The following PEX11A variants were observed in gnomAD, a reference collection of about 807,000 sequenced individuals.
The protein encoded by PEX11A is peroxisomal membrane protein 11A.
PEX11A carries 13 observed loss-of-function variants against 14.4 expected under a neutral mutation model. The ratio of observed to expected loss-of-function variants is 0.90; its 90% confidence interval spans 0.59 to 1.43. The LOEUF (loss-of-function observed/expected upper bound fraction) is 1.43, where lower values mean the gene tolerates loss of function less well. PEX11A is among the 40% of genes most tolerant of loss of function. The probability of loss-of-function intolerance (pLI) is 0.00; values close to 1 mark genes in which losing one functional copy is unlikely to be tolerated. For missense variants in PEX11A, 290 were observed against 302.8 expected, an observed-to-expected ratio of 0.96 and a Z score of 0.31; for synonymous variants, 101 against 113.0, an observed-to-expected ratio of 0.89 and a Z score of 0.67.
chr15:89,686,489 T>A lies in PEX11A; in HGVS notation c.114A>T (p.Lys38Asn), dbSNP rs994812464. Residue 38 changes from lysine (K) to asparagine (N), a missense_variant, in exon 2 of 3, where the codon AAA (lysine) becomes AAT (asparagine). Coordinates refer to ENST00000300056, the MANE Select transcript of PEX11A (RefSeq NM_003847.3). The part of the protein sequence containing the change: ...LRYLLEPKAG[K>N]EKVVMKLKKL... The stretch of plus-strand genomic sequence containing the variant: ...TCTTGAGCTTCATTACCACCTTCTC[T>A]TTGCCAGCTTTGGGCTCTAACAAAT... 2.5e-6 allele frequency: 4 copies of A among 1,608,440 alleles called. No individual in the cohort carries two copies. Among genetic ancestry groups the A allele is most frequent in the Non-Finnish European group, 3.4e-6 (4 of 1,174,998 alleles).
chr15:89,686,535 T>C lies in PEX11A; in HGVS notation c.68A>G (p.Tyr23Cys). The C allele has an allele frequency of 6.6e-7, 1 of 1,514,386 alleles. No individual in the cohort carries two copies. Among genetic ancestry groups the C allele is most frequent in the Non-Finnish European group, 9.1e-7 (1 of 1,095,568 alleles). 93.8% of individuals were successfully genotyped at this position (1,514,386 alleles called of 1,614,324 possible). ...GRDRLFRATQYTCMLLRYLLE... is the reference protein window; with the variant it reads ...GRDRLFRATQCTCMLLRYLLE... ...CAAATATCTAAGCAACATGCATGTGTACTGAGTGGCTCTGAAATGGAAAAA... is the reference window on the plus strand; with the variant it reads ...CAAATATCTAAGCAACATGCATGTGCACTGAGTGGCTCTGAAATGGAAAAA... The change falls in exon 2 of 3, where the codon TAC becomes TGC. Residue 23 changes from tyrosine (Y) to cysteine (C), a missense_variant. By Grantham distance (194) the Tyr-to-Cys change is radical. Transcript: ENST00000300056.
rs1282406720 is a variant in PEX11A at position 89,690,608 on chromosome 15, T to G, written c.25A>C (p.Asn9His). ...AGTCGGTCCCGGCCCTGGGTCTGGTTGGTGAAGCGGGTGAAGGCGTCCATG... is the reference window on the plus strand; with the variant it reads ...AGTCGGTCCCGGCCCTGGGTCTGGTGGGTGAAGCGGGTGAAGGCGTCCATG... MDAFTRFTNQTQGRDRLFR... is the reference protein window; with the variant it reads MDAFTRFTHQTQGRDRLFR... Residue 9 changes from asparagine (N) to histidine (H), a missense_variant, in exon 1 of 3, where the codon AAC (asparagine) becomes CAC (histidine). Coordinates refer to ENST00000300056, the MANE Select transcript of PEX11A (RefSeq NM_003847.3). 1.3e-6 allele frequency: 2 copies of G among 1,551,382 alleles called. No homozygotes were observed. Among genetic ancestry groups the G allele is most frequent in the Non-Finnish European group, 1.7e-6 (2 of 1,146,896 alleles).
rs1964680888 is a variant in PEX11A, at chr15:89,686,606, A to G, written c.57-60T>C. On this transcript the variant is annotated intron_variant, in intron 1 of 2. Coordinates refer to ENST00000300056, the MANE Select transcript of PEX11A (RefSeq NM_003847.3). ...TTACAAACCAAATAAAACTTAATTC[A>G]GGAAGTAAGGGAAAGAGAAACACAT... 3 of 787,178 alleles carry G rather than the reference A, an allele frequency of 3.8e-6. No homozygotes were observed. In the East Asian group the frequency reaches 7.5e-5, roughly 20 times the overall value. 48.8% of individuals were successfully genotyped at this position (787,178 alleles called of 1,614,324 possible).
rs766152470 is a variant in PEX11A, at chr15:89,683,665, G to A, written c.456C>T (p.Asp152=). 7 of 1,614,132 alleles carry A rather than the reference G, an allele frequency of 4.3e-6. No individual in the cohort carries two copies. The highest frequency in any genetic ancestry group is 5.9e-6 in the Non-Finnish European group (7 of 1,180,034). Residue 152 remains aspartate (D), a synonymous_variant, in exon 3 of 3, where the codon GAC becomes GAT. Transcript: ENST00000300056. ...ISLQMKRVTC[D]RAKKEKSASQ... The stretch of plus-strand genomic sequence containing the variant: ...ATGCTGATTTCTCTTTCTTTGCCCT[G>A]TCACATGTAACTCGTTTCATCTGCA...
In PEX11A at chr15:89,683,892, C is replaced by A; in HGVS notation, c.229G>T (p.Ala77Ser). ...CATAAGCGAGGTACCAGGTCAGTGG[C>A]ATGAATGCTCTGCTCAGTTGCCTGT... ...AIQATEQSIH[A>S]TDLVPRLCLT... The change falls in exon 3 of 3, where the codon GCC (alanine) becomes TCC (serine). Residue 77 changes from alanine to serine, a missense_variant. Transcript: ENST00000300056. 6.2e-7 allele frequency: 1 copy of A among 1,614,072 alleles called. No individual in the cohort carries two copies. The highest frequency in any genetic ancestry group is 8.5e-7 in the Non-Finnish European group (1 of 1,179,928).
intron 2 of PEX11A, among the ~76,000 whole-genome samples, chr15:89,685,655 C>G (rs999973282): frequency 6.6e-6 from 1 of 151,960 alleles, no homozygotes; most frequent in African/African-American, 2.4e-5. Flanking sequence ...TCTAAAACAC[C>G]TTTCTTTTCC....
At position 89,682,889 on chromosome 15, in the gene PEX11A, T is replaced by TA; in HGVS notation, c.*487_*488insT. On this transcript the variant is annotated 3_prime_UTR_variant, in exon 3 of 3. Coordinates refer to ENST00000300056, the MANE Select transcript of PEX11A (RefSeq NM_003847.3). The stretch of plus-strand genomic sequence containing the variant: ...AGTGATGGTATAAGGGCCAACAAGT[T>TA]GAGAGGCTGTAAGCCCAGCTCTCCT... 6.3e-6 allele frequency: 1 copy of TA among 159,100 alleles called. No individual in the cohort carries two copies. Among genetic ancestry groups the TA allele is most frequent in the Non-Finnish European group, 1.4e-5 (1 of 72,446 alleles). The allele number at this position is 159,100 out of a possible 1,614,324, so 9.9% of individuals were successfully genotyped here.
At chr15:89,685,226 A>AG (rs1289074741) in intron 2 of PEX11A, among the ~76,000 whole-genome samples, 1 of 150,998 alleles carries the variant, frequency 6.6e-6, no homozygotes, top group Non-Finnish European at 1.5e-5. Context: ...AAAAAAAAAA[A>AG]AGAATGTTTT....
Position 89,683,758 on chromosome 15 carries a change from C to A in PEX11A, c.363G>T (p.Thr121=), listed in dbSNP as rs1024453310. ...TSGINKEKWR[T]RAAHHYYYSL... ...AATAGTAGTAGTGGTGAGCAGCCCT[C>A]GTTCGCCATTTCTCTTTGTTGATGC... Residue 121 remains threonine, a synonymous_variant, in exon 3 of 3, where the codon ACG becomes ACT. Coordinates refer to ENST00000300056, the MANE Select transcript of PEX11A (RefSeq NM_003847.3). 6.2e-7 allele frequency: 1 copy of A among 1,614,086 alleles called. No individual in the cohort carries two copies. Among genetic ancestry groups the A allele is most frequent in the Non-Finnish European group, 8.5e-7 (1 of 1,179,946 alleles).
At chr15:89,685,054 A>G (rs917949642) in intron 2 of PEX11A, among the ~76,000 whole-genome samples, 1 of 151,870 alleles carries the variant, frequency 6.6e-6, no homozygotes, top group East Asian at 1.9e-4. Flanking sequence ...AAAAACAAAC[A>G]TTAGCCAGGC....
chr15:89,684,241 C>T (rs954195212), intron 2 of PEX11A, among the ~76,000 whole-genome samples: 15 of 152,196 alleles, frequency 9.9e-5, no homozygotes, highest in African/African-American at 3.6e-4. Context: ...ATTAAAGGCT[C>T]AGCCTTTGTT....
intron 2 of PEX11A, 123 bp downstream of exon 2, chr15:89,686,308 A>G (rs1454895232): frequency 2.1e-5 from 13 of 612,534 alleles, no homozygotes; most frequent in Non-Finnish European, 2.0e-5. Context: ...TTACTGGTCA[A>G]TTTCACCAAT....
At chr15:89,689,870 C>A (rs1037562123) in intron 1 of PEX11A, among the ~76,000 whole-genome samples, 32 of 152,304 alleles carry the variant, frequency 2.1e-4, no homozygotes, top group African/African-American at 7.7e-4. Flanking sequence ...GTGGCTCGCA[C>A]CTGTAATCCC....
At chr15:89,687,712 A>T (rs1671004082) in intron 1 of PEX11A, among the ~76,000 whole-genome samples, 1 of 152,230 alleles carries the variant, frequency 6.6e-6, no homozygotes, top group African/African-American at 2.4e-5. Flanking sequence ...GTTACTAGGA[A>T]TGAAATAAAA....
In PEX11A at chr15:89,683,466, G is replaced by C; in HGVS notation, c.655C>G (p.Pro219Ala). ...AGACCTCCAAGTCCAATGATGCCAG[G>C]ATTGGATTTATAGATCCCCAGCTGG... ...LDQLGIYKSN[P>A]GIIGLGGLVS... The change falls in exon 3 of 3, where the codon CCT (proline) becomes GCT (alanine). Residue 219 changes from proline (P) to alanine (A), a missense_variant. Transcript: ENST00000300056. The C allele has an allele frequency of 6.2e-7, 1 of 1,613,768 alleles. No homozygotes were observed. Among genetic ancestry groups the C allele is most frequent in the South Asian group, 1.1e-5 (1 of 91,072 alleles).
chr15:89,688,702 G>T (rs1460829472), intron 1 of PEX11A, among the ~76,000 whole-genome samples: 1 of 130,326 alleles, frequency 7.7e-6, no homozygotes, highest in Non-Finnish European at 1.6e-5. Flanking sequence ...AAATGATGAT[G>T]ATTATTATTT....
Position 89,683,608 on chromosome 15 carries a change from C to G in PEX11A, c.513G>C (p.Glu171Asp), listed in dbSNP as rs763953814. The change falls in exon 3 of 3, where the codon GAG (glutamate) becomes GAC (aspartate). Residue 171 changes from glutamate to aspartate, a missense_variant. Coordinates refer to ENST00000300056, the MANE Select transcript of PEX11A (RefSeq NM_003847.3). Reference protein sequence around the residue: ...SQDPLWFSVAEEETEWLQSFL... With the variant: ...SQDPLWFSVADEETEWLQSFL... Reference sequence around the variant, plus strand: ...AGGATTGGAGCCATTCTGTTTCCTCCTCAGCCACGCTGAACCAAAGAGGAT... The same window carrying G: ...AGGATTGGAGCCATTCTGTTTCCTCGTCAGCCACGCTGAACCAAAGAGGAT... 1.7e-5 allele frequency: 27 copies of G among 1,613,970 alleles called. No individual in the cohort carries two copies. The highest frequency in any genetic ancestry group is 2.3e-5 in the Non-Finnish European group (27 of 1,179,928).
Position 89,689,318 on chromosome 15 carries a change from G to T in PEX11A, c.56+1259C>A, listed in dbSNP as rs528684758. On this transcript the variant is annotated intron_variant, in intron 1 of 2. Transcript: ENST00000300056. Reference sequence around the variant, plus strand: ...ATATTTAGAGTATCTACCTCATAGGGTTGTGATGAGGGTTATATAAGTTCA... The same window carrying T: ...ATATTTAGAGTATCTACCTCATAGGTTTGTGATGAGGGTTATATAAGTTCA... Among the ~76,000 whole-genome samples the T allele has an allele frequency of 6.6e-5, 10 of 152,230 alleles. No homozygotes were observed. The South Asian group carries it at 2.1e-3, about 32-fold the overall frequency.
chr15:89,684,541 G>C (rs1286070550), intron 2 of PEX11A, among the ~76,000 whole-genome samples: 1 of 152,180 alleles, frequency 6.6e-6, no homozygotes, highest in South Asian at 2.1e-4. Flanking sequence ...ACAAAAGACT[G>C]TCTTTTTAAA....
Sources: allele counts gnomAD v4.1 joint callset (sites outside exome capture counted in the v4.1 genomes callset), GRCh38; gene constraint gnomAD v4.1.1; transcripts MANE v1.5; gene names NCBI Gene and HGNC (gene_info 2026-07-23, HGNC 2026-07-21).